Variants in AUTS2 observed in about 807,000 individuals in gnomAD.
The protein encoded by AUTS2 is activator of transcription and developmental regulator AUTS2, also known as autism susceptibility gene 2 protein.
A neutral mutation model predicts 112.4 loss-of-function variants in AUTS2; 17 were observed. That is an observed-to-expected ratio of 0.15 (90% CI 0.10 to 0.23). AUTS2 has a LOEUF of 0.23. Among genes scored for constraint, AUTS2 ranks in the 10% least tolerant of loss-of-function variants. AUTS2 has a pLI of 1.00. For synonymous variants in AUTS2, 751 were observed against 702.7 expected (o/e 1.07, Z -1.09); for missense variants, 1,510 against 1,701.6 (o/e 0.89, Z 1.98).
chr7:69,872,513 C>T (rs538214059), intron 1 of AUTS2, among the ~76,000 whole-genome samples: 1 of 152,124 alleles, frequency 6.6e-6, no homozygotes, highest in Non-Finnish European at 1.5e-5. Context: ...CTAATGTATT[C>T]GGGGTACTAG....
At chr7:69,641,386 A>G (rs904981698) in intron 1 of AUTS2, among the ~76,000 whole-genome samples, 3 of 151,400 alleles carry the variant, frequency 2.0e-5, no homozygotes, top group African/African-American at 7.4e-5. Context: ...TAATTGCATC[A>G]TCTATATTGC....
intron 1 of AUTS2, among the ~76,000 whole-genome samples, chr7:69,611,448 A>T (rs1287741261): frequency 6.6e-6 from 1 of 152,238 alleles, no homozygotes; most frequent in Non-Finnish European, 1.5e-5. Flanking sequence ...TATTACTCTA[A>T]TATAGAAATG....
Position 70,766,290 on chromosome 7 carries a change from G to T in AUTS2, c.1645G>T (p.Ala549Ser), listed in dbSNP as rs772360830. 3 of 1,613,864 alleles carry T rather than the reference G, an allele frequency of 1.9e-6. No individual in the cohort carries two copies. Among genetic ancestry groups the T allele is most frequent in the African/African-American group, 2.7e-5 (2 of 74,870 alleles). The stretch of plus-strand genomic sequence containing the variant: ...GCACACCTTCACGCCGTTCCCCCAC[G>T]CCATCCCACCCACCGCCATCATGCC... ...HQHTFTPFPH[A>S]IPPTAIMPTP... The change falls in exon 9 of 19, where the codon GCC becomes TCC. Residue 549 changes from alanine to serine, a missense_variant. Ala to Ser is a moderately conservative substitution (Grantham distance 99, BLOSUM62 1). This residue lies in a region of AUTS2 where 187 missense variants were observed against 309.7 expected (regional missense o/e 0.60). Transcript: ENST00000342771. The surrounding 1 kb of genome is among the most constrained non-coding windows in gnomAD (Gnocchi z 4.8).
chr7:70,607,041 C>T (rs1803818825), intron 5 of AUTS2, among the ~76,000 whole-genome samples: 1 of 152,064 alleles, frequency 6.6e-6, no homozygotes, highest in Non-Finnish European at 1.5e-5. Flanking sequence ...TAGATTTATC[C>T]TGTGTAACTG....
chr7:70,556,605 A>G (rs1478217035), intron 5 of AUTS2, among the ~76,000 whole-genome samples: 1 of 152,036 alleles, frequency 6.6e-6, no homozygotes, highest in Non-Finnish European at 1.5e-5. Context: ...CCACCCCTTG[A>G]GATACTTCTT....
chr7:70,433,860 C>A (rs1447177966), intron 4 of AUTS2, among the ~76,000 whole-genome samples: 2 of 152,134 alleles, frequency 1.3e-5, no homozygotes, highest in South Asian at 4.2e-4. Context: ...AGCAAGAAGT[C>A]CATTTAGATG....
At chr7:70,457,717 G>A (rs1345353304) in intron 5 of AUTS2, among the ~76,000 whole-genome samples, 1 of 152,162 alleles carries the variant, frequency 6.6e-6, no homozygotes, top group African/African-American at 2.4e-5. Flanking sequence ...CAATAGGGAT[G>A]TGTCCCATAC....
chr7:70,594,790 G>T (rs1177742665), intron 5 of AUTS2, among the ~76,000 whole-genome samples: 1 of 152,096 alleles, frequency 6.6e-6, no homozygotes, highest in Admixed American at 6.5e-5. Context: ...CACTAAAATG[G>T]AGTGGGCAAT....
intron 1 of AUTS2, among the ~76,000 whole-genome samples, chr7:69,752,691 G>A (rs1787791895): frequency 6.6e-6 from 1 of 152,132 alleles, no homozygotes; most frequent in South Asian, 2.1e-4. Flanking sequence ...GAAAATTGTC[G>A]AGTTCATAAG....
intron 5 of AUTS2, among the ~76,000 whole-genome samples, chr7:70,599,881 G>A (rs887409163): frequency 5.3e-5 from 8 of 152,334 alleles, no homozygotes; most frequent in Non-Finnish European, 8.8e-5. Flanking sequence ...TCTGTCATTA[G>A]ACAGGGATCT....
intron 1 of AUTS2, among the ~76,000 whole-genome samples, chr7:69,653,657 T>C (rs79305672): frequency 2.0e-5 from 3 of 151,988 alleles, no homozygotes; most frequent in Non-Finnish European, 4.4e-5. Flanking sequence ...TTTTTTTTTT[T>C]CATGCTCCTT....
intron 4 of AUTS2, among the ~76,000 whole-genome samples, chr7:70,419,595 T>C (rs369205902): frequency 6.6e-6 from 1 of 152,304 alleles, no homozygotes; most frequent in Non-Finnish European, 1.5e-5. Context: ...TTAAACAAAT[T>C]ATTATAGACA....
intron 4 of AUTS2, among the ~76,000 whole-genome samples, chr7:70,223,617 A>G (rs544408539): frequency 2.0e-5 from 3 of 152,324 alleles, no homozygotes; most frequent in Non-Finnish European, 4.4e-5. Context: ...TTTTACACTT[A>G]TTTTAGTGTA....
At chr7:69,957,509 C>G (rs1334069158) in intron 2 of AUTS2, among the ~76,000 whole-genome samples, 1 of 151,970 alleles carries the variant, frequency 6.6e-6, no homozygotes, top group Non-Finnish European at 1.5e-5. Flanking sequence ...ATCTTTGTGT[C>G]ATTCCTTATG....
intron 1 of AUTS2, among the ~76,000 whole-genome samples, chr7:69,636,573 A>G (rs1794550746): frequency 1.3e-5 from 2 of 150,790 alleles, no homozygotes; most frequent in Admixed American, 6.6e-5. Flanking sequence ...ATACCAAGAG[A>G]AAACCATTTA....
intron 2 of AUTS2, among the ~76,000 whole-genome samples, chr7:70,066,878 TTTAC>T (rs1259354694): frequency 2.6e-4 from 40 of 152,328 alleles, no homozygotes; most frequent in African/African-American, 8.9e-4. Context: ...GTTACTCATT[TTTAC>T]TTAGACTTTA....
At chr7:69,986,497 G>A (rs541349584) in intron 2 of AUTS2, among the ~76,000 whole-genome samples, 12 of 152,302 alleles carry the variant, frequency 7.9e-5, no homozygotes, top group South Asian at 6.2e-4. Flanking sequence ...AATTTTTCTC[G>A]TTATGGTTGT....
chr7:70,668,864 G>T (rs1186371065), intron 5 of AUTS2, among the ~76,000 whole-genome samples: 1 of 152,198 alleles, frequency 6.6e-6, no homozygotes, highest in Non-Finnish European at 1.5e-5. Context: ...GAGGGCTTGG[G>T]CAGTAAGGCA....
intron 5 of AUTS2, among the ~76,000 whole-genome samples, chr7:70,564,635 T>G (rs1801627268): frequency 6.6e-6 from 1 of 152,190 alleles, no homozygotes; most frequent in African/African-American, 2.4e-5. Flanking sequence ...CATTTGAAAA[T>G]CATTCACTGA....
Sources: gnomAD v4.1 joint callset for allele counts (sites outside exome capture counted in the v4.1 genomes callset) on GRCh38, gnomAD v4.1.1 for gene constraint, gnomAD v4.1.1 regional missense constraint, Gnocchi (gnomAD v3.1) non-coding constraint, MANE v1.5 for transcripts, NCBI Gene and HGNC (gene_info 2026-07-23, HGNC 2026-07-21) for gene names.